Variants in NUP58 observed in about 807,000 individuals in gnomAD.
NUP58 encodes nucleoporin 58.
In NUP58, 17 loss-of-function variants were observed where a neutral mutation model predicts 70.1. That is an observed-to-expected ratio of 0.24 (90% CI 0.17 to 0.36). The LOEUF (loss-of-function observed/expected upper bound fraction) is 0.36. Among genes scored for constraint, NUP58 ranks in the 10% least tolerant of loss-of-function variants. The pLI is 1.00. For missense variants in NUP58, 644 were observed against 701.5 expected, an observed-to-expected ratio of 0.92 and a Z score of 0.93; for synonymous variants, 275 against 257.6, an observed-to-expected ratio of 1.07 and a Z score of -0.65.
intron 9 of NUP58, among the ~76,000 whole-genome samples, chr13:25,321,419 C>T (rs1320653162): frequency 6.6e-6 from 1 of 152,132 alleles, no homozygotes; most frequent in Non-Finnish European, 1.5e-5. Context: ...TGGATTCAGA[C>T]CCTGGTAATC....
At position 25,325,008 on chromosome 13, in the gene NUP58, T is replaced by C; in HGVS notation, c.971T>C (p.Ile324Thr). The change falls in exon 10 of 16, where the codon ATA becomes ACA. Residue 324 changes from isoleucine to threonine, a missense_variant. Around this residue, in one of 4 missense-constraint regions of NUP58, gnomAD observed 430 missense variants for 409.2 expected, o/e 1.05. Coordinates refer to ENST00000381736, the MANE Select transcript of NUP58 (RefSeq NM_014089.4). The stretch of plus-strand genomic sequence containing the variant: ...TATTAGGAGTTGAAGAATGCTGAAA[T>C]AGCTTTAAGAACCCAGAAGACACCA... ...ETAQELKNAE[I>T]ALRTQKTPPG... The C allele has an allele frequency of 6.2e-7, 1 of 1,600,672 alleles. No individual in the cohort carries two copies. Among genetic ancestry groups the C allele is most frequent in the Non-Finnish European group, 8.5e-7 (1 of 1,172,072 alleles).
At chr13:25,324,624 A>G (rs2031319941) in intron 9 of NUP58, among the ~76,000 whole-genome samples, 1 of 152,164 alleles carries the variant, frequency 6.6e-6, no homozygotes, top group African/African-American at 2.4e-5. Flanking sequence ...CTCAGCCTCA[A>G]CATTATTATT....
chr13:25,302,219 G>C (rs932371504), intron 1 of NUP58, among the ~76,000 whole-genome samples: 2 of 152,254 alleles, frequency 1.3e-5, no homozygotes, highest in East Asian at 1.9e-4. Context: ...CTTAGGCATA[G>C]AATGAACATT....
chr13:25,307,555 G>T (rs115508188), intron 1 of NUP58, among the ~76,000 whole-genome samples: 3 of 151,758 alleles, frequency 2.0e-5, no homozygotes, highest in African/African-American at 7.3e-5. Context: ...TTTTACATGT[G>T]GATTTATTTT....
chr13:25,337,107 T>C lies in NUP58; in HGVS notation c.1534+73T>C. On this transcript the variant is annotated intron_variant, in intron 14 of 15. Transcript: ENST00000381736. ...ATTGATACTAGCCTGTAAAAAAAAA[T>C]TTCTAAGAGAATCTCCTGCTATTTT... 7.4e-6 allele frequency: 7 copies of C among 942,934 alleles called. No homozygotes were observed. The South Asian group carries it at 1.1e-4, about 14-fold the overall frequency. 58.4% of individuals were successfully genotyped at this position (942,934 alleles called of 1,614,324 possible). A position where few individuals can be genotyped will look rare whatever the true frequency, so the allele number is the denominator to read the frequency against.
chr13:25,301,686 G>C lies in NUP58; in HGVS notation c.-88G>C, dbSNP rs1408503536. ...CGCCAGGTCCGTGCCGGGCGAGAGA[G>C]ATGCTGCCCGGCCCGCCTCGGCTTT... On this transcript the variant is annotated 5_prime_UTR_variant, in exon 1 of 16. Coordinates refer to ENST00000381736, the MANE Select transcript of NUP58 (RefSeq NM_014089.4). The C allele has an allele frequency of 1.5e-6, 1 of 660,018 alleles. No homozygotes were observed. Among genetic ancestry groups the C allele is most frequent in the Non-Finnish European group, 2.4e-6 (1 of 424,904 alleles). 40.9% of individuals were successfully genotyped at this position (660,018 alleles called of 1,614,324 possible). A position where few individuals can be genotyped will look rare whatever the true frequency, so the allele number is the denominator to read the frequency against.
At chr13:25,309,146 C>T in intron 2 of NUP58, 101 bp from the exon 3 acceptor site, 1 of 826,428 alleles carries the variant, frequency 1.2e-6, no homozygotes, top group South Asian at 1.5e-5. Flanking sequence ...GAAGTGTTGT[C>T]ACTCCCTGAG....
chr13:25,306,130 G>T (rs1267294235), intron 1 of NUP58, among the ~76,000 whole-genome samples: 1 of 152,118 alleles, frequency 6.6e-6, no homozygotes, highest in East Asian at 1.9e-4. Context: ...TGCTGGCCGG[G>T]TGCGGTGGCT....
In NUP58 at chr13:25,301,678, GC is replaced by G; in HGVS notation, c.-95del. 1.6e-6 allele frequency: 1 copy of G among 615,382 alleles called. No individual in the cohort carries two copies. The highest frequency in any genetic ancestry group is 2.6e-6 in the Non-Finnish European group (1 of 385,266). 38.1% of individuals were successfully genotyped at this position (615,382 alleles called of 1,614,324 possible). ...GAAGTTCCCGCCAGGTCCGTGCCGG[GC>G]GAGAGAGATGCTGCCCGGCCCGCCT... On this transcript the variant is annotated 5_prime_UTR_variant, in exon 1 of 16. Transcript: ENST00000381736.
intron 1 of NUP58, among the ~76,000 whole-genome samples, chr13:25,306,459 A>G (rs977502905): frequency 7.9e-5 from 12 of 152,078 alleles, no homozygotes; most frequent in South Asian, 2.1e-4. Context: ...CAGATGAGGA[A>G]ATAGAGGCTC....
downstream of NUP58, among the ~76,000 whole-genome samples, chr13:25,346,506 G>C (rs2137855749): frequency 6.6e-6 from 1 of 152,214 alleles, no homozygotes; most frequent in East Asian, 1.9e-4. Flanking sequence ...GATCACCTGA[G>C]GTCGGGAGTT....
intron 12 of NUP58, among the ~76,000 whole-genome samples, chr13:25,330,954 A>G (rs2031581783): frequency 6.6e-6 from 1 of 151,884 alleles, no homozygotes; most frequent in Non-Finnish European, 1.5e-5. Context: ...AAACTGTTTT[A>G]ATCAAAAGGC....
intron 5 of NUP58, 57 bp downstream of exon 5, chr13:25,313,808 T>C (rs1198788225): frequency 1.3e-5 from 18 of 1,367,774 alleles, no homozygotes; most frequent in Non-Finnish European, 1.7e-5. Flanking sequence ...AATGTACTTA[T>C]TTTTATTTTA....
chr13:25,320,884 A>AT (rs1424637289), intron 8 of NUP58, 35 bp from the exon 9 acceptor site: 3 of 1,364,018 alleles, frequency 2.2e-6, no homozygotes, highest in African/African-American at 1.5e-5. Flanking sequence ...CCAAAGATAC[A>AT]TTTTTTAAAA....
chr13:25,344,690 A>G (rs1035236811), downstream of NUP58, among the ~76,000 whole-genome samples: 1 of 152,196 alleles, frequency 6.6e-6, no homozygotes, highest in Non-Finnish European at 1.5e-5. Context: ...AGCATGATAC[A>G]TGCATCTGTT....
At position 25,306,494 on chromosome 13, in the gene NUP58, A is replaced by G. The variant is rs868739581; in HGVS notation, c.108-1312A>G. ...CAGAAAGGTTAAGTAATGGCACACAAGTACCAGAACATGGGGGGATTGGTA... is the reference window on the plus strand; with the variant it reads ...CAGAAAGGTTAAGTAATGGCACACAGGTACCAGAACATGGGGGGATTGGTA... On this transcript the variant is annotated intron_variant, in intron 1 of 15. Coordinates refer to ENST00000381736, the MANE Select transcript of NUP58 (RefSeq NM_014089.4). Among the ~76,000 whole-genome samples, 14 of 152,240 alleles carry G rather than the reference A, an allele frequency of 9.2e-5. No homozygotes were observed. In the Middle Eastern group the frequency reaches 0.01, roughly 111 times the overall value.
chr13:25,307,080 T>A (rs768038868), intron 1 of NUP58, among the ~76,000 whole-genome samples: 1 of 152,168 alleles, frequency 6.6e-6, no homozygotes, highest in Admixed American at 6.6e-5. Flanking sequence ...ATAACTTTTC[T>A]ATGACCATTT....
chr13:25,330,777 T>C (rs954573479), intron 12 of NUP58, among the ~76,000 whole-genome samples: 5 of 152,142 alleles, frequency 3.3e-5, no homozygotes, highest in African/African-American at 7.2e-5. Context: ...TCAAGTCTCA[T>C]TGTACAATGG....
At chr13:25,333,397 C>G (rs1479904380) in intron 13 of NUP58, 4 of 985,156 alleles carry the variant, frequency 4.1e-6, no homozygotes, top group Non-Finnish European at 4.8e-6. Flanking sequence ...GTGACTTTTG[C>G]CAGGCTTTGG....
Sources: allele counts gnomAD v4.1 joint callset (sites outside exome capture counted in the v4.1 genomes callset), GRCh38; gene constraint gnomAD v4.1.1; regional missense constraint gnomAD v4.1.1; transcripts MANE v1.5; gene names NCBI Gene and HGNC (gene_info 2026-07-23, HGNC 2026-07-21).